Variants in TMC5 observed in about 807,000 individuals in gnomAD.
TMC5 encodes transmembrane channel like 5.
A neutral mutation model predicts 110.5 loss-of-function variants in TMC5; 86 were observed. That is an observed-to-expected ratio of 0.78 (90% CI 0.65 to 0.93). The LOEUF is 0.93. TMC5 is among the 40% of genes least tolerant of loss of function. The pLI is 0.00. For missense variants in TMC5, 1,144 were observed against 1,222.8 expected (o/e 0.94, Z 0.96); for synonymous variants, 455 against 439.5 (o/e 1.04, Z -0.44).
Position 19,497,167 on chromosome 16 carries a change from A to C in TMC5, c.2974+4A>C. On this transcript the variant is annotated splice_donor_region_variant and intron_variant, in intron 21 of 21. Coordinates refer to ENST00000542583, the MANE Select transcript of TMC5 (RefSeq NM_001261841.2). ...GGGGAACATGATGGCAGTCTTGGTG[A>C]GTAATTAAACTGGGACAGAATAAGA... 1 of 1,613,692 alleles carries C rather than the reference A, an allele frequency of 6.2e-7. No individual in the cohort carries two copies. Among genetic ancestry groups the C allele is most frequent in the Non-Finnish European group, 8.5e-7 (1 of 1,179,698 alleles).
chr16:19,424,205 G>C (rs898634736), intron 1 of TMC5, among the ~76,000 whole-genome samples: 2 of 152,216 alleles, frequency 1.3e-5, no homozygotes, highest in Non-Finnish European at 2.9e-5. Flanking sequence ...CTGTAAAGTA[G>C]AAGTTTTTGT....
chr16:19,449,502 G>C, intron 4 of TMC5, 40 bp from the exon 5 acceptor site: 1 of 1,533,252 alleles, frequency 6.5e-7, no homozygotes, highest in Non-Finnish European at 9.0e-7. Context: ...GTCTAGTGTG[G>C]TGAGACTAAT....
intron 9 of TMC5, 101 bp downstream of exon 9, chr16:19,466,334 C>A: frequency 1.9e-6 from 2 of 1,044,042 alleles, no homozygotes; most frequent in Non-Finnish European, 2.8e-6. Context: ...TCTCTGCAGT[C>A]CTCTCCTCTC....
chr16:19,451,210 C>A (rs575571108), intron 5 of TMC5, among the ~76,000 whole-genome samples: 2 of 152,198 alleles, frequency 1.3e-5, no homozygotes, highest in African/African-American at 4.8e-5. Context: ...AGCCACAAGG[C>A]AAATCTGTGA....
At chr16:19,437,911 A>G (rs750408474) in intron 2 of TMC5, among the ~76,000 whole-genome samples, 10 of 152,192 alleles carry the variant, frequency 6.6e-5, no homozygotes, top group African/African-American at 9.6e-5. Flanking sequence ...CTGGTCCTGG[A>G]GGACTGACTG....
At chr16:19,487,111 G>C in intron 16 of TMC5, 82 bp from the exon 17 acceptor site, 2 of 1,606,908 alleles carry the variant, frequency 1.2e-6, no homozygotes, top group Non-Finnish European at 8.5e-7. Flanking sequence ...CTCTGCAAAG[G>C]TGTCAGGAAG....
At chr16:19,452,526 G>C (rs1239370024) in intron 5 of TMC5, among the ~76,000 whole-genome samples, 1 of 151,952 alleles carries the variant, frequency 6.6e-6, no homozygotes, top group Non-Finnish European at 1.5e-5. Flanking sequence ...ATACCAGCCT[G>C]GCCAACATGG....
intron 5 of TMC5, among the ~76,000 whole-genome samples, chr16:19,456,241 T>TATATATATGTATATTTAGAAC (rs747770242): frequency 3.2e-4 from 48 of 148,006 alleles, no homozygotes; most frequent in African/African-American, 1.2e-3. Flanking sequence ...ACATTTAGAA[T>TATATATATGTATATTTAGAAC]ATATATATGT....
rs1967561991 is a variant in TMC5, at chr16:19,444,248, ATGGTAAGCATT to A, written c.958+1_958+11del. 1.2e-5 allele frequency: 20 copies of A among 1,613,522 alleles called. No individual in the cohort carries two copies. Among genetic ancestry groups the A allele is most frequent in the Non-Finnish European group, 1.7e-5 (20 of 1,179,952 alleles). On this transcript the variant is annotated splice_donor_variant and splice_donor_5th_base_variant and coding_sequence_variant and intron_variant, in exon 4 of 22. Coordinates refer to ENST00000542583, the MANE Select transcript of TMC5 (RefSeq NM_001261841.2). LOFTEE classifies it high-confidence loss of function. ...CTGCCAGGTGCTCCTGGAAGTGGCT[ATGGTAAGCATT>A]TGTTAAGCCAGGATCATATCCTGGG... is the stretch of plus-strand genomic sequence containing the variant.
At chr16:19,463,677 AC>A (rs1278823459) in intron 7 of TMC5, 98 bp from the exon 8 acceptor site, 1 of 1,420,902 alleles carries the variant, frequency 7.0e-7, no homozygotes, top group African/African-American at 1.4e-5. Context: ...ACTTAACAAT[AC>A]TCCAGACATG....
At chr16:19,463,705 T>C (rs1968086111) in intron 7 of TMC5, 71 bp from the exon 8 acceptor site, 1 of 1,553,708 alleles carries the variant, frequency 6.4e-7, no homozygotes, top group South Asian at 1.2e-5. Flanking sequence ...GTTTCTGTTA[T>C]TATGGCACCT....
At chr16:19,493,463 C>CTCTCTTTCTCTCTCTCTT (rs748855852) in intron 19 of TMC5, among the ~76,000 whole-genome samples, 2 of 58,018 alleles carry the variant, frequency 3.4e-5, no homozygotes, top group African/African-American at 5.3e-5. Context: ...CTCTCTCTCT[C>CTCTCTTTCTCTCTCTCTT]TCTTTTTTTT....
At chr16:19,497,396 C>T (rs1969083988) in intron 21 of TMC5, among the ~76,000 whole-genome samples, 1 of 152,194 alleles carries the variant, frequency 6.6e-6, no homozygotes, top group Non-Finnish European at 1.5e-5. Flanking sequence ...CATGTTAGTT[C>T]CTTTTGCAAT....
intron 3 of TMC5, among the ~76,000 whole-genome samples, chr16:19,442,462 G>C (rs1967511635): frequency 6.6e-6 from 1 of 151,708 alleles, no homozygotes; most frequent in Non-Finnish European, 1.5e-5. Context: ...CCAAGTAGCT[G>C]GGATTACAGG....
chr16:19,463,232 T>C (rs1217947379), intron 6 of TMC5, 48 bp from the exon 7 acceptor site: 1 of 1,403,464 alleles, frequency 7.1e-7, no homozygotes, highest in Non-Finnish European at 1.0e-6. Context: ...TTTGAATGAA[T>C]GAGTTGCAAC....
chr16:19,494,472 C>T, intron 20 of TMC5, 106 bp downstream of exon 20: 1 of 711,760 alleles, frequency 1.4e-6, no homozygotes, highest in South Asian at 1.8e-5. Context: ...TGGAAGGGCC[C>T]TTCACTCTCT....
intron 15 of TMC5, 158 bp from the exon 16 acceptor site, chr16:19,486,787 A>G (rs1597214933): frequency 1.6e-6 from 1 of 637,704 alleles, no homozygotes; most frequent in Non-Finnish European, 2.8e-6. Flanking sequence ...ATACAGTCAC[A>G]TTCTGAGATA....
At chr16:19,413,074 C>G (rs562122569), upstream of TMC5, among the ~76,000 whole-genome samples, 2 of 151,974 alleles carry the variant, frequency 1.3e-5, no homozygotes, top group Admixed American at 1.3e-4. Context: ...AAACTCCTGG[C>G]CTCAAGCAAT....
chr16:19,424,402 G>A lies in TMC5; in HGVS notation c.-307-6011G>A, dbSNP rs367619434. Among the ~76,000 whole-genome samples the A allele has an allele frequency of 2.6e-5, 4 of 152,308 alleles. 1 individual carries two copies. The highest frequency in any genetic ancestry group is 9.6e-5 in the African/African-American group (4 of 41,576). On this transcript the variant is annotated intron_variant, in intron 1 of 21. Coordinates refer to ENST00000542583, the MANE Select transcript of TMC5 (RefSeq NM_001261841.2). Reference sequence around the variant, plus strand: ...GTGGTGGCTCATGCCTGTAATCCCAGCCCTTTGGGAGGCCAAGGCGGGTGG... The same window carrying A: ...GTGGTGGCTCATGCCTGTAATCCCAACCCTTTGGGAGGCCAAGGCGGGTGG...
Sources: allele counts gnomAD v4.1 joint callset (sites outside exome capture counted in the v4.1 genomes callset), GRCh38; gene constraint gnomAD v4.1.1; transcripts MANE v1.5; gene names NCBI Gene and HGNC (gene_info 2026-07-23, HGNC 2026-07-21).